SLC24A2: variants seen among roughly 807,000 people sequenced by gnomAD.
The protein encoded by SLC24A2 is sodium/potassium/calcium exchanger 2.
In SLC24A2, 36 loss-of-function variants were observed where a neutral mutation model predicts 62.0. The observed-to-expected ratio is 0.58, with a 90% CI of 0.44 to 0.77. The LOEUF is 0.77. SLC24A2 is among the 30% of genes least tolerant of loss of function. The pLI is 0.00. For synonymous variants in SLC24A2, 358 were observed against 294.0 expected (o/e 1.22, Z -2.23); for missense variants, 846 against 817.9 (o/e 1.03, Z -0.42).
At chr9:20,039,944 T>C in the SLC24A2 span, among the ~76,000 whole-genome samples, 5 of 152,200 alleles carry the variant, frequency 3.3e-5, no homozygotes, top group Admixed American at 3.3e-4. Context: ...TCTAAATATG[T>C]GCTAAGTTGT....
chr9:20,260,990 G>C, the SLC24A2 span, among the ~76,000 whole-genome samples: 1 of 151,640 alleles, frequency 6.6e-6, no homozygotes, highest in Non-Finnish European at 1.5e-5. Context: ...CGAGTACCTG[G>C]GACTACAGGC....
At chr9:19,904,282 T>C in the SLC24A2 span, among the ~76,000 whole-genome samples, 11 of 152,162 alleles carry the variant, frequency 7.2e-5, no homozygotes, top group African/African-American at 2.7e-4. Context: ...CTAGAAGAGA[T>C]TGTATGGATC....
chr9:20,095,564 T>C, the SLC24A2 span, among the ~76,000 whole-genome samples: 2 of 152,188 alleles, frequency 1.3e-5, no homozygotes, highest in African/African-American at 2.4e-5. Context: ...TTGCCTTTTT[T>C]TTCTACTTCC....
chr9:19,776,366 T>C (rs1462471067), intron 2 of SLC24A2, among the ~76,000 whole-genome samples: 3 of 152,206 alleles, frequency 2.0e-5, no homozygotes, highest in African/African-American at 7.2e-5. Flanking sequence ...AATCCTCAGA[T>C]TCCTGATCTG....
intron 2 of SLC24A2, among the ~76,000 whole-genome samples, chr9:19,773,771 T>G (rs1212629651): frequency 6.6e-6 from 1 of 152,156 alleles, no homozygotes; most frequent in African/African-American, 2.4e-5. Context: ...GTCACAGGTA[T>G]GACTAGATAG....
At chr9:20,256,616 T>A in the SLC24A2 span, among the ~76,000 whole-genome samples, 1 of 152,168 alleles carries the variant, frequency 6.6e-6, no homozygotes, top group Non-Finnish European at 1.5e-5. Flanking sequence ...TGCTCTGCCA[T>A]CAAGCATTAT....
chr9:19,884,867 C>T, the SLC24A2 span, among the ~76,000 whole-genome samples: 20 of 152,090 alleles, frequency 1.3e-4, no homozygotes, highest in African/African-American at 3.4e-4. Flanking sequence ...TAAGCTATGA[C>T]GTTCAGTAGG....
At chr9:19,533,303 T>C (rs191429955) in intron 8 of SLC24A2, among the ~76,000 whole-genome samples, 77 of 152,310 alleles carry the variant, frequency 5.1e-4, no homozygotes, top group African/African-American at 1.8e-3. Flanking sequence ...TTTTCCCCTC[T>C]CTTTCCTCTC....
chr9:19,836,580 T>A, the SLC24A2 span, among the ~76,000 whole-genome samples: 3 of 152,176 alleles, frequency 2.0e-5, no homozygotes. Context: ...ATTGAGGCAA[T>A]AATGAATAGC....
At chr9:19,721,761 C>T (rs910562927) in intron 2 of SLC24A2, among the ~76,000 whole-genome samples, 4 of 152,094 alleles carry the variant, frequency 2.6e-5, no homozygotes, top group Admixed American at 2.0e-4. Context: ...TAACAGCCTT[C>T]ATTTTGAGAA....
intron 2 of SLC24A2, among the ~76,000 whole-genome samples, chr9:19,644,488 G>A (rs1219740952): frequency 2.0e-5 from 3 of 152,126 alleles, no homozygotes; most frequent in Admixed American, 6.5e-5. Flanking sequence ...AGGGAAGTGA[G>A]AAAGGGAAAT....
chr9:19,912,419 G>A, the SLC24A2 span, among the ~76,000 whole-genome samples: 326 of 152,242 alleles, frequency 2.1e-3, 3 homozygotes, highest in Non-Finnish European at 2.8e-3. Flanking sequence ...ATCAGGTATA[G>A]GTTGGAAATC....
the SLC24A2 span, among the ~76,000 whole-genome samples, chr9:19,918,644 A>C: frequency 6.6e-6 from 1 of 151,866 alleles, no homozygotes; most frequent in African/African-American, 2.4e-5. Flanking sequence ...GTTTCCCCAG[A>C]CTCCAGGAGT....
At chr9:19,673,268 A>G (rs974771604) in intron 2 of SLC24A2, among the ~76,000 whole-genome samples, 1 of 146,530 alleles carries the variant, frequency 6.8e-6, no homozygotes, top group African/African-American at 2.7e-5. Flanking sequence ...CTGTTGGACA[A>G]GTCCTTTTAT....
At chr9:20,275,769 A>C in the SLC24A2 span, among the ~76,000 whole-genome samples, 1,467 of 152,280 alleles carry the variant, frequency 9.6e-3, 17 homozygotes, top group African/African-American at 0.031. Flanking sequence ...TGAACTCACA[A>C]TTTGATGCGG....
the SLC24A2 span, among the ~76,000 whole-genome samples, chr9:20,045,766 G>T: frequency 6.6e-6 from 1 of 152,096 alleles, no homozygotes; most frequent in Non-Finnish European, 1.5e-5. Context: ...ACACTGTTCT[G>T]CTGGCCGTCC....
At chr9:20,267,134 T>C in the SLC24A2 span, among the ~76,000 whole-genome samples, 1 of 151,634 alleles carries the variant, frequency 6.6e-6, no homozygotes, top group African/African-American at 2.4e-5. Context: ...TTGAAACAAA[T>C]TTCTGTGAAG....
the SLC24A2 span, among the ~76,000 whole-genome samples, chr9:20,283,870 C>T: frequency 1.3e-5 from 2 of 151,982 alleles, no homozygotes; most frequent in Admixed American, 1.3e-4. Flanking sequence ...GAGCAGGCAG[C>T]GTGTTTAGGG....
the SLC24A2 span, among the ~76,000 whole-genome samples, chr9:20,015,875 T>C: frequency 6.6e-6 from 1 of 152,232 alleles, no homozygotes; most frequent in Non-Finnish European, 1.5e-5. Flanking sequence ...CAACAGGAAA[T>C]GTCCCACTTA....
Sources: gnomAD v4.1 joint callset for allele counts (sites outside exome capture counted in the v4.1 genomes callset) on GRCh38, gnomAD v4.1.1 for gene constraint, MANE v1.5 for transcripts, NCBI Gene and HGNC (gene_info 2026-07-23, HGNC 2026-07-21) for gene names.